Variants in RILPL2 observed in about 807,000 individuals in gnomAD.
RILPL2 encodes the protein RILP-like protein 2.
Under a neutral mutation model 22.2 loss-of-function variants are expected in RILPL2, and 19 were observed. That is an observed-to-expected ratio of 0.86 (90% CI 0.60 to 1.25). RILPL2 has a LOEUF of 1.25. Among genes scored for constraint, RILPL2 ranks in the 50% most tolerant of loss-of-function variants. The pLI is 0.00. For missense variants in RILPL2, 243 were observed against 263.6 expected (o/e 0.92, Z 0.54); for synonymous variants, 123 against 111.6 (o/e 1.10, Z -0.64).
At chr12:123,428,178 C>A (rs949531847) in intron 2 of RILPL2, among the ~76,000 whole-genome samples, 1 of 152,156 alleles carries the variant, frequency 6.6e-6, no homozygotes, top group African/African-American at 2.4e-5. Flanking sequence ...GCTCTTCCGC[C>A]CAGGCTGGAG....
In RILPL2 at chr12:123,415,395, A is replaced by T. The variant is rs1879087873; in HGVS notation, c.*496T>A. 1 of 168,646 alleles carries T rather than the reference A, an allele frequency of 5.9e-6. No homozygotes were observed. Among genetic ancestry groups the T allele is most frequent in the African/African-American group, 2.4e-5 (1 of 41,726 alleles). The allele number at this position is 168,646 out of a possible 1,614,324, so 10.4% of individuals were successfully genotyped here. A position where few individuals can be genotyped will look rare whatever the true frequency, so the allele number is the denominator to read the frequency against. ...CCACTCTAGATAAGCTATAGAAAGT[A>T]TAAAAATCATTTTACTTTAATACAA... On this transcript the variant is annotated 3_prime_UTR_variant, in exon 4 of 4. Transcript: ENST00000280571.
At chr12:123,410,756 G>C (rs1252715446), downstream of RILPL2, 1 of 151,284 alleles carries the variant, frequency 6.6e-6, no homozygotes, top group East Asian at 1.9e-4. Context: ...CTTGCACATA[G>C]CCTTCAGTAA....
intron 1 of RILPL2, among the ~76,000 whole-genome samples, chr12:123,432,797 C>A (rs1213865734): frequency 6.6e-6 from 1 of 152,158 alleles, no homozygotes; most frequent in Non-Finnish European, 1.5e-5. Context: ...GCTGAGCAAT[C>A]CCCCGCAAGT....
chr12:123,419,725 C>T (rs1879221803), intron 3 of RILPL2, among the ~76,000 whole-genome samples: 1 of 151,098 alleles, frequency 6.6e-6, no homozygotes, highest in South Asian at 2.1e-4. Flanking sequence ...TCTACTTCAG[C>T]CTCCCGAGTA....
At chr12:123,430,134 G>C (rs1420575168) in intron 2 of RILPL2, among the ~76,000 whole-genome samples, 1 of 138,838 alleles carries the variant, frequency 7.2e-6, no homozygotes, top group Non-Finnish European at 1.5e-5. Flanking sequence ...AAAAAGCCAG[G>C]CTTGGTGGCT....
intron 3 of RILPL2, among the ~76,000 whole-genome samples, chr12:123,416,829 G>A (rs1400549210): frequency 6.6e-6 from 1 of 152,134 alleles, no homozygotes; most frequent in East Asian, 1.9e-4. Flanking sequence ...CTCCAATTAG[G>A]TGTCCTAAGC....
Position 123,423,166 on chromosome 12 carries a change from C to G in RILPL2, c.492-9G>C, listed in dbSNP as rs747952815. On this transcript the variant is annotated splice_polypyrimidine_tract_variant and intron_variant, in intron 2 of 3. Transcript: ENST00000280571. ...TTGGTGGAATCAGGCCACTGGGAAA[C>G]GGGACAAAAAATAAATGGATTATTT... The G allele has an allele frequency of 1.2e-5, 18 of 1,501,668 alleles. No homozygotes were observed. Among genetic ancestry groups the G allele is most frequent in the Non-Finnish European group, 1.6e-5 (17 of 1,094,868 alleles). The allele number at this position is 1,501,668 out of a possible 1,614,324, so 93.0% of individuals were successfully genotyped here. A position where few individuals can be genotyped will look rare whatever the true frequency, so the allele number is the denominator to read the frequency against.
chr12:123,425,843 G>A (rs1397311147), intron 2 of RILPL2, among the ~76,000 whole-genome samples: 1 of 151,772 alleles, frequency 6.6e-6, no homozygotes, highest in African/African-American at 2.4e-5. Flanking sequence ...GTAGAGATGA[G>A]ATTTCACCAT....
At chr12:123,425,427 C>T (rs931776470) in intron 2 of RILPL2, among the ~76,000 whole-genome samples, 2 of 152,034 alleles carry the variant, frequency 1.3e-5, no homozygotes, top group African/African-American at 4.8e-5. Context: ...GATCTGCCTG[C>T]CTCAGCCTCC....
intron 3 of RILPL2, among the ~76,000 whole-genome samples, chr12:123,422,239 T>C (rs1408555678): frequency 7.1e-6 from 1 of 140,354 alleles, no homozygotes; most frequent in East Asian, 2.3e-4. Context: ...AAAAAAAAAA[T>C]TGGCCAGGCG....
At chr12:123,410,581 C>G (rs1878943959), downstream of RILPL2, 1 of 152,168 alleles carries the variant, frequency 6.6e-6, no homozygotes, top group African/African-American at 2.4e-5. Flanking sequence ...GGAACAGAAC[C>G]TCTGCTTCCA....
intron 2 of RILPL2, among the ~76,000 whole-genome samples, chr12:123,428,989 T>C (rs1879519897): frequency 6.6e-6 from 1 of 152,084 alleles, no homozygotes; most frequent in African/African-American, 2.4e-5. Flanking sequence ...AGCCCCCTTT[T>C]CAAAAAATAC....
At chr12:123,415,947 G>C in intron 3 of RILPL2, 26 bp from the exon 4 acceptor site, 2 of 1,613,896 alleles carry the variant, frequency 1.2e-6, no homozygotes, top group East Asian at 2.2e-5. Flanking sequence ...AGAGGGTTCA[G>C]GGTAAGCAGA....
At chr12:123,422,968 T>G in intron 3 of RILPL2, 76 bp downstream of exon 3, 3 of 1,052,454 alleles carry the variant, frequency 2.9e-6, no homozygotes, top group Non-Finnish European at 3.0e-6. Flanking sequence ...GGGCAGCTGG[T>G]CAGCCTCTTC....
At chr12:123,433,882 G>A (rs963920925) in intron 1 of RILPL2, among the ~76,000 whole-genome samples, 1 of 152,158 alleles carries the variant, frequency 6.6e-6, no homozygotes, top group African/African-American at 2.4e-5. Flanking sequence ...TCAAATGTCT[G>A]TATTTTAGGA....
At chr12:123,430,984 C>T (rs985988350) in intron 1 of RILPL2, among the ~76,000 whole-genome samples, 3 of 152,184 alleles carry the variant, frequency 2.0e-5, no homozygotes, top group African/African-American at 7.2e-5. Flanking sequence ...CAGGCGTGAG[C>T]CACCGCGCCC....
intron 1 of RILPL2, among the ~76,000 whole-genome samples, chr12:123,432,715 T>C (rs1044249449): frequency 4.0e-5 from 6 of 151,862 alleles, no homozygotes; most frequent in Admixed American, 6.6e-5. Context: ...ACCACGCTGT[T>C]CTCGGCTCAT....
intron 1 of RILPL2, among the ~76,000 whole-genome samples, chr12:123,432,864 G>A (rs1879690577): frequency 6.6e-6 from 1 of 152,136 alleles, no homozygotes; most frequent in Non-Finnish European, 1.5e-5. Context: ...ACTTAACCAT[G>A]TCACTTGACA....
intron 3 of RILPL2, among the ~76,000 whole-genome samples, chr12:123,419,920 G>A (rs548527548): frequency 7.0e-6 from 1 of 142,956 alleles, no homozygotes; most frequent in African/African-American, 2.5e-5. Context: ...CAGCCTCCCA[G>A]GTTAAAGCGA....
Sources: gnomAD v4.1 joint callset for allele counts (sites outside exome capture counted in the v4.1 genomes callset) on GRCh38, gnomAD v4.1.1 for gene constraint, MANE v1.5 for transcripts, NCBI Gene and HGNC (gene_info 2026-07-23, HGNC 2026-07-21) for gene names.